The following NTRK3 variants were observed in gnomAD, a reference collection of about 807,000 sequenced individuals.
The protein encoded by NTRK3 is neurotrophic receptor tyrosine kinase 3.
NTRK3 carries 24 observed loss-of-function variants against 91.7 expected under a neutral mutation model. That is an observed-to-expected ratio of 0.26 (90% CI 0.19 to 0.37). The LOEUF (loss-of-function observed/expected upper bound fraction) is 0.37, where lower values mean the gene tolerates loss of function less well. NTRK3 is among the 10% of genes least tolerant of loss of function. The probability of loss-of-function intolerance (pLI) is 1.00; values close to 1 mark genes in which losing one functional copy is unlikely to be tolerated. For missense variants in NTRK3, 880 were observed against 1,068.9 expected (o/e 0.82, Z 2.46); for synonymous variants, 483 against 404.0 (o/e 1.20, Z -2.34).
At chr15:88,207,995 G>T (rs1372539241) in intron 3 of NTRK3, among the ~76,000 whole-genome samples, 1 of 152,114 alleles carries the variant, frequency 6.6e-6, no homozygotes, top group Non-Finnish European at 1.5e-5. Context: ...GATCCCAAAG[G>T]CATGAGGCAA....
Position 88,234,452 on chromosome 15 carries a change from C to T in NTRK3, c.248+21454G>A, listed in dbSNP as rs1351669932. The stretch of plus-strand genomic sequence containing the variant: ...ACAGTCTCTCCCCTCTCGACTTCCC[C>T]AGCCAGAATGAACTTTCTTCAGCTT... On this transcript the variant is annotated intron_variant, in intron 3 of 18. Coordinates refer to ENST00000394480, the Ensembl canonical transcript of NTRK3. The surrounding 1 kb of genome is among the most constrained non-coding windows in gnomAD (Gnocchi z 6.1). Among the ~76,000 whole-genome samples the T allele has an allele frequency of 6.6e-6, 1 of 152,218 alleles. No homozygotes were observed. The highest frequency in any genetic ancestry group is 1.5e-5 in the Non-Finnish European group (1 of 68,036).
chr15:87,969,212 A>C (rs1342447686), intron 14 of NTRK3, among the ~76,000 whole-genome samples: 2 of 152,082 alleles, frequency 1.3e-5, no homozygotes, highest in Non-Finnish European at 2.9e-5. Context: ...GATGCTTCCC[A>C]CTCATATCAG....
intron 14 of NTRK3, among the ~76,000 whole-genome samples, chr15:88,030,341 G>C (rs1348569108): frequency 6.6e-6 from 1 of 152,136 alleles, no homozygotes. Context: ...CCTTGGCTAT[G>C]CTTTGTTTTG....
exon 10 of NTRK3, chr15:88,135,227 C>T (rs747624231): frequency 5.0e-6 from 8 of 1,614,226 alleles, no homozygotes; most frequent in Non-Finnish European, 5.1e-6. Context: ...AGGCAGCCCT[C>T]GGAAATCTCT....
intron 7 of NTRK3, 61 bp from the exon 8 acceptor site, chr15:88,136,670 T>G: frequency 5.7e-5 from 90 of 1,570,892 alleles, no homozygotes; most frequent in Non-Finnish European, 7.1e-5. Flanking sequence ...AAGGAAGCTC[T>G]GTCCATGGGG....
chr15:88,024,876 G>A (rs2077897746), intron 14 of NTRK3, among the ~76,000 whole-genome samples: 1 of 152,236 alleles, frequency 6.6e-6, no homozygotes, highest in South Asian at 2.1e-4. Context: ...GTACCAAGAG[G>A]TGCCAGTCTT....
chr15:88,153,020 C>A (rs570267684), intron 5 of NTRK3, among the ~76,000 whole-genome samples: 1 of 152,184 alleles, frequency 6.6e-6, no homozygotes, highest in Non-Finnish European at 1.5e-5. Flanking sequence ...CTCTTTTGAG[C>A]ACCGTTTGGT....
At chr15:87,897,917 G>C (rs755794536) in intron 17 of NTRK3, among the ~76,000 whole-genome samples, 40 of 152,204 alleles carry the variant, frequency 2.6e-4, no homozygotes, top group Middle Eastern at 3.2e-3. Context: ...CTCTTTGCTA[G>C]CTAAGCAACC....
chr15:88,138,361 G>T (rs2042073767), intron 6 of NTRK3, among the ~76,000 whole-genome samples: 2 of 152,104 alleles, frequency 1.3e-5, no homozygotes, highest in African/African-American at 4.8e-5. Flanking sequence ...AGTGAGCCGA[G>T]ATTGCACCAC....
chr15:88,201,334 T>G (rs2048289146), intron 3 of NTRK3, among the ~76,000 whole-genome samples: 1 of 152,204 alleles, frequency 6.6e-6, no homozygotes, highest in Non-Finnish European at 1.5e-5. Flanking sequence ...AAGCTGCATT[T>G]ACAAGTGTGC....
At chr15:87,915,183 A>C (rs975768922) in intron 17 of NTRK3, among the ~76,000 whole-genome samples, 2 of 152,224 alleles carry the variant, frequency 1.3e-5, no homozygotes, top group Admixed American at 6.5e-5. Context: ...TCCATTATGC[A>C]TATGCATATA....
intron 13 of NTRK3, among the ~76,000 whole-genome samples, chr15:88,038,472 G>A (rs2079274459): frequency 6.6e-6 from 1 of 152,118 alleles, no homozygotes; most frequent in South Asian, 2.1e-4. Context: ...ATAGGGCTAC[G>A]GCTGGCACTG....
chr15:88,170,361 T>C (rs1268797385), intron 5 of NTRK3, among the ~76,000 whole-genome samples: 2 of 152,214 alleles, frequency 1.3e-5, no homozygotes, highest in Non-Finnish European at 1.5e-5. Context: ...TGGTCTCTAT[T>C]TTTAGTAAAA....
intron 17 of NTRK3, among the ~76,000 whole-genome samples, chr15:87,900,522 T>C (rs1017828211): frequency 6.6e-6 from 1 of 152,240 alleles, no homozygotes; most frequent in Non-Finnish European, 1.5e-5. Flanking sequence ...ATGTTCATAC[T>C]TGGAATAATG....
At chr15:88,099,869 G>A (rs573829321) in intron 13 of NTRK3, among the ~76,000 whole-genome samples, 2 of 152,246 alleles carry the variant, frequency 1.3e-5, no homozygotes, top group Admixed American at 6.5e-5. Context: ...CGACAGCATG[G>A]ACTAGCCCCA....
intron 14 of NTRK3, among the ~76,000 whole-genome samples, chr15:87,982,806 C>T (rs2074405663): frequency 6.6e-6 from 1 of 152,184 alleles, no homozygotes; most frequent in Admixed American, 6.5e-5. Context: ...ACATTCAAAT[C>T]TGTTTTTCTG....
chr15:88,049,715 C>T (rs982614667), intron 13 of NTRK3, among the ~76,000 whole-genome samples: 1 of 152,178 alleles, frequency 6.6e-6, no homozygotes, highest in Admixed American at 6.5e-5. Context: ...TCCCAAGGTG[C>T]CTTTAAATAG....
chr15:87,875,052 A>C (rs2064913137), exon 19 of NTRK3: 1 of 230,408 alleles, frequency 4.3e-6, no homozygotes, highest in Non-Finnish European at 8.6e-6. Context: ...GTGGGTCTAC[A>C]AAAAGAAGCA....
chr15:87,919,676 T>G (rs897348917), intron 17 of NTRK3, among the ~76,000 whole-genome samples: 1 of 152,198 alleles, frequency 6.6e-6, no homozygotes, highest in African/African-American at 2.4e-5. Context: ...AGGTAATTCT[T>G]CTACCCACCA....
Sources: gnomAD v4.1 joint callset for allele counts (sites outside exome capture counted in the v4.1 genomes callset) on GRCh38, gnomAD v4.1.1 for gene constraint, Gnocchi (gnomAD v3.1) non-coding constraint, MANE v1.5 for transcripts, NCBI Gene and HGNC (gene_info 2026-07-23, HGNC 2026-07-21) for gene names.